Variants in UNC80 observed in about 807,000 individuals in gnomAD.
UNC80 encodes the protein unc-80 subunit of NALCN channel complex, also known as protein unc-80 homolog.
In UNC80, 164 loss-of-function variants were observed where a neutral mutation model predicts 384.6. The ratio of observed to expected loss-of-function variants is 0.43; its 90% CI spans 0.38 to 0.49. UNC80 has a LOEUF of 0.49. Ranked by LOEUF, UNC80 falls within the 20% of genes least tolerant of loss-of-function variation. The pLI is 0.00. For missense variants in UNC80, 3,330 were observed against 4,143.0 expected, an observed-to-expected ratio of 0.80 and a Z score of 5.39; for synonymous variants, 1,486 against 1,527.8, an observed-to-expected ratio of 0.97 and a Z score of 0.64.
chr2:209,850,728 A>G (rs1574732956), intron 22 of UNC80, among the ~76,000 whole-genome samples: 1 of 152,252 alleles, frequency 6.6e-6, no homozygotes, highest in African/African-American at 2.4e-5. Context: ...TAAAAATTGC[A>G]TCATGTTCAA....
At chr2:209,808,638 C>T (rs2079079266) in intron 7 of UNC80, among the ~76,000 whole-genome samples, 1 of 151,930 alleles carries the variant, frequency 6.6e-6, no homozygotes, top group Non-Finnish European at 1.5e-5. Context: ...CTCCAATTGG[C>T]GCGAAAGTGA....
intron 35 of UNC80, among the ~76,000 whole-genome samples, chr2:209,924,906 T>C (rs1238159142): frequency 1.3e-5 from 2 of 151,966 alleles, no homozygotes; most frequent in Admixed American, 6.6e-5. Flanking sequence ...TAGTGACAAT[T>C]CTCTGGTGTT....
At chr2:209,927,055 T>C (rs1236955189) in intron 36 of UNC80, 69 bp downstream of exon 36, 1 of 1,516,086 alleles carries the variant, frequency 6.6e-7, no homozygotes, top group East Asian at 2.5e-5. Flanking sequence ...GACAGTAGGT[T>C]GCTCTTAAAC....
At chr2:209,848,647 A>G (rs925682996) in intron 21 of UNC80, among the ~76,000 whole-genome samples, 4 of 152,162 alleles carry the variant, frequency 2.6e-5, no homozygotes, top group Non-Finnish European at 5.9e-5. Context: ...CGATTGAGTC[A>G]TTGTGAAAGT....
intron 61 of UNC80, among the ~76,000 whole-genome samples, chr2:209,986,499 A>G (rs16844033): frequency 0.016 from 2,465 of 152,320 alleles, 82 homozygotes; most frequent in African/African-American, 0.057. Flanking sequence ...TCCAGTGTCA[A>G]TGGAAATATA....
intron 35 of UNC80, among the ~76,000 whole-genome samples, chr2:209,926,245 T>C (rs2090426977): frequency 6.6e-6 from 1 of 152,170 alleles, no homozygotes; most frequent in South Asian, 2.1e-4. Context: ...CCGCTTAGAA[T>C]TTTATCTTCA....
rs2153828216 is a variant in UNC80 at position 209,826,139 on chromosome 2, G to A, written c.2478+86G>A. The A allele has an allele frequency of 3.7e-6, 5 of 1,339,728 alleles. No homozygotes were observed. The East Asian group carries it at 1.3e-4, about 36-fold the overall frequency. 83.0% of individuals were successfully genotyped at this position (1,339,728 alleles called of 1,614,324 possible). A position where few individuals can be genotyped will look rare whatever the true frequency, so the allele number is the denominator to read the frequency against. On this transcript the variant is annotated intron_variant, in intron 14 of 64. Transcript: ENST00000673920. ...GAGTCCTTTGACAATGAGGGTCAGT[G>A]TTCCCTGAAAAATATTGTATTTTGT...
chr2:209,788,141 G>C (rs1386740726), intron 5 of UNC80, among the ~76,000 whole-genome samples: 2 of 152,180 alleles, frequency 1.3e-5, no homozygotes, highest in African/African-American at 4.8e-5. Context: ...AGTTGGCCGG[G>C]CGCGGTGGCT....
At chr2:209,801,726 T>G (rs2078573281) in intron 7 of UNC80, among the ~76,000 whole-genome samples, 1 of 134,858 alleles carries the variant, frequency 7.4e-6, no homozygotes, top group African/African-American at 2.8e-5. Context: ...CTGACTTACC[T>G]TTTCATTTGA....
chr2:209,886,318 C>T (rs1450103354), intron 25 of UNC80, among the ~76,000 whole-genome samples: 2 of 151,752 alleles, frequency 1.3e-5, no homozygotes, highest in African/African-American at 4.8e-5. Flanking sequence ...TGGCTCATGG[C>T]TGCAATCCCA....
rs556477199 is a variant in UNC80, at chr2:209,888,074, T to C, written c.4111-21T>C. 135 of 1,551,538 alleles carry C rather than the reference T, an allele frequency of 8.7e-5. No homozygotes were observed. The African/African-American group carries it at 1.7e-3, about 20-fold the overall frequency. On this transcript the variant is annotated intron_variant, in intron 25 of 64. Transcript: ENST00000673920. ...TGCTGGGGAGATGCCAGCACTCATGTGCTCCTCACTGGCATTTTAGGACTT... is the reference window on the plus strand; with the variant it reads ...TGCTGGGGAGATGCCAGCACTCATGCGCTCCTCACTGGCATTTTAGGACTT...
intron 29 of UNC80, among the ~76,000 whole-genome samples, chr2:209,907,909 C>T (rs1197281494): frequency 6.6e-6 from 1 of 152,220 alleles, no homozygotes; most frequent in East Asian, 1.9e-4. Flanking sequence ...GTAGAAAAAG[C>T]TTACCAACCT....
intron 20 of UNC80, among the ~76,000 whole-genome samples, chr2:209,841,055 T>C (rs1253205260): frequency 6.7e-6 from 1 of 150,058 alleles, no homozygotes; most frequent in Non-Finnish European, 1.5e-5. Flanking sequence ...TTTGGCACCA[T>C]GTGAACCACT....
At chr2:209,809,348 C>G (rs1319542732) in intron 7 of UNC80, 1 of 850,730 alleles carries the variant, frequency 1.2e-6, no homozygotes, top group Admixed American at 1.7e-5. Flanking sequence ...TGCGGGAAGG[C>G]CTTCTCCAGA....
At chr2:209,847,568 T>A (rs1344839045) in intron 21 of UNC80, among the ~76,000 whole-genome samples, 1 of 152,024 alleles carries the variant, frequency 6.6e-6, no homozygotes, top group Non-Finnish European at 1.5e-5. Context: ...TGTCAGTGAA[T>A]GTTTTGATGA....
chr2:209,794,384 C>T (rs758888398), intron 7 of UNC80, among the ~76,000 whole-genome samples: 10 of 152,130 alleles, frequency 6.6e-5, no homozygotes, highest in Non-Finnish European at 1.2e-4. Context: ...AAATTATGGA[C>T]ACCTGGAGTC....
At chr2:209,824,975 A>G (rs976138166) in intron 13 of UNC80, among the ~76,000 whole-genome samples, 2 of 152,190 alleles carry the variant, frequency 1.3e-5, no homozygotes, top group African/African-American at 2.4e-5. Flanking sequence ...AAGGGCAGCT[A>G]TTAGAATCCT....
At chr2:209,783,481 G>A (rs1420670110) in intron 4 of UNC80, among the ~76,000 whole-genome samples, 2 of 152,058 alleles carry the variant, frequency 1.3e-5, no homozygotes, top group Non-Finnish European at 2.9e-5. Flanking sequence ...ATTTGGAGAA[G>A]GTAAAACATG....
At chr2:209,918,510 T>A in intron 32 of UNC80, 22 bp from the exon 33 acceptor site, 2 of 1,549,744 alleles carry the variant, frequency 1.3e-6, no homozygotes, top group Non-Finnish European at 1.7e-6. Context: ...TCTCACCTAA[T>A]TTTTCTGATG....
Sources: allele counts gnomAD v4.1 joint callset (sites outside exome capture counted in the v4.1 genomes callset), GRCh38; gene constraint gnomAD v4.1.1; transcripts MANE v1.5; gene names NCBI Gene and HGNC (gene_info 2026-07-23, HGNC 2026-07-21).